FAM135A: variants seen among roughly 807,000 people sequenced by gnomAD.
FAM135A encodes family with sequence similarity 135 member A.
Under a neutral mutation model 146.8 loss-of-function variants are expected in FAM135A, and 79 were observed. The observed-to-expected ratio is 0.54, with a 90% confidence interval of 0.45 to 0.65. FAM135A has a LOEUF of 0.65. Ranked by LOEUF, FAM135A falls within the 30% of genes least tolerant of loss-of-function variation. The probability of loss-of-function intolerance (pLI) is 0.00; values close to 1 mark genes in which losing one functional copy is unlikely to be tolerated. For synonymous variants in FAM135A, 562 were observed against 603.6 expected, an observed-to-expected ratio of 0.93 and a Z score of 1.01; for missense variants, 1,623 against 1,758.2, an observed-to-expected ratio of 0.92 and a Z score of 1.38.
chr6:70,472,125 C>A (rs1280279830), intron 5 of FAM135A, among the ~76,000 whole-genome samples: 1 of 152,086 alleles, frequency 6.6e-6, no homozygotes, highest in East Asian at 1.9e-4. Context: ...CAGTAAGCAA[C>A]AAAGAAGCTC....
intron 20 of FAM135A, among the ~76,000 whole-genome samples, chr6:70,550,721 CAA>C (rs368310550): frequency 1.3e-5 from 2 of 152,284 alleles, no homozygotes; most frequent in African/African-American, 2.4e-5. Flanking sequence ...TAATCCGTAA[CAA>C]GAGAGTCAGC....
intron 11 of FAM135A, among the ~76,000 whole-genome samples, chr6:70,502,088 A>T (rs564156242): frequency 6.6e-6 from 1 of 152,238 alleles, no homozygotes; most frequent in African/African-American, 2.4e-5. Flanking sequence ...TGAAAAAAAT[A>T]AAGTGACAAT....
At chr6:70,414,047 T>G in intron 1 of FAM135A, 1 of 985,724 alleles carries the variant, frequency 1.0e-6, no homozygotes, top group Non-Finnish European at 1.2e-6. Context: ...TCTTCGTCGC[T>G]CTGTCCCTCC....
At position 70,513,632 on chromosome 6, in the gene FAM135A, T is replaced by C. The variant is rs375504315; in HGVS notation, c.1030-8881T>C. Among the ~76,000 whole-genome samples the C allele has an allele frequency of 2.8e-4, 42 of 152,082 alleles. 1 individual carries two copies. The East Asian group carries it at 4.8e-3, about 17-fold the overall frequency. On this transcript the variant is annotated intron_variant, in intron 12 of 21. Transcript: ENST00000418814. ...TATTATCTGATACTATTATAAATGGTTTTTAAATTTTATTTTCCAAATGGT... is the reference window on the plus strand; with the variant it reads ...TATTATCTGATACTATTATAAATGGCTTTTAAATTTTATTTTCCAAATGGT...
At chr6:70,472,561 G>A (rs1029232500) in intron 5 of FAM135A, among the ~76,000 whole-genome samples, 3 of 152,090 alleles carry the variant, frequency 2.0e-5, no homozygotes, top group South Asian at 2.1e-4. Context: ...ACACTGACAC[G>A]TTACTGTCGT....
At chr6:70,553,987 AAGAT>A (rs1800342263) in intron 20 of FAM135A, among the ~76,000 whole-genome samples, 1 of 152,194 alleles carries the variant, frequency 6.6e-6, no homozygotes, top group Admixed American at 6.5e-5. Context: ...GAATTTAAGA[AAGAT>A]AGCAAGCAAA....
At chr6:70,463,847 T>C (rs2128107471) in intron 5 of FAM135A, among the ~76,000 whole-genome samples, 1 of 152,232 alleles carries the variant, frequency 6.6e-6, no homozygotes, top group East Asian at 1.9e-4. Flanking sequence ...CAAGCCTCCA[T>C]TTTGCTTTCC....
intron 5 of FAM135A, among the ~76,000 whole-genome samples, chr6:70,474,969 C>A (rs1018456084): frequency 8.5e-5 from 13 of 152,124 alleles, no homozygotes; most frequent in Non-Finnish European, 1.8e-4. Flanking sequence ...CTAGGGGCCA[C>A]CAAGGATTTA....
intron 11 of FAM135A, among the ~76,000 whole-genome samples, chr6:70,496,330 C>T (rs1004879432): frequency 6.6e-6 from 1 of 152,122 alleles, no homozygotes; most frequent in Non-Finnish European, 1.5e-5. Context: ...TGTTCATATC[C>T]TTCGTCCACT....
intron 5 of FAM135A, among the ~76,000 whole-genome samples, chr6:70,455,681 C>T (rs1406128401): frequency 6.6e-6 from 1 of 151,906 alleles, no homozygotes; most frequent in Non-Finnish European, 1.5e-5. Context: ...CTGAAGTTGC[C>T]AGTTGAGAAA....
At chr6:70,479,140 T>C (rs1414525687) in intron 8 of FAM135A, among the ~76,000 whole-genome samples, 1 of 152,198 alleles carries the variant, frequency 6.6e-6, no homozygotes, top group African/African-American at 2.4e-5. Flanking sequence ...ACTAGCTGTG[T>C]TTCTTTCCTG....
chr6:70,414,908 A>G (rs1767215476), intron 1 of FAM135A, among the ~76,000 whole-genome samples: 1 of 152,234 alleles, frequency 6.6e-6, no homozygotes, highest in Admixed American at 6.5e-5. Context: ...CTTGTCCTCC[A>G]TTAGGTGTAG....
intron 12 of FAM135A, among the ~76,000 whole-genome samples, chr6:70,509,304 A>C (rs1331692096): frequency 6.6e-6 from 1 of 152,136 alleles, no homozygotes. Context: ...TTGAACTATA[A>C]AATGGAACTC....
At chr6:70,531,749 G>C (rs1038416476) in intron 16 of FAM135A, among the ~76,000 whole-genome samples, 1 of 152,058 alleles carries the variant, frequency 6.6e-6, no homozygotes, top group African/African-American at 2.4e-5. Flanking sequence ...TTCTTTGGGG[G>C]CATTTCCCAA....
chr6:70,482,192 A>G (rs1783844183), intron 10 of FAM135A, 38 bp downstream of exon 10: 1 of 1,603,854 alleles, frequency 6.2e-7, no homozygotes, highest in Non-Finnish European at 8.5e-7. Context: ...TACAGTTCAA[A>G]TCATTCTCTT....
chr6:70,452,374 G>C (rs924096451), intron 4 of FAM135A, 118 bp from the exon 5 acceptor site: 1 of 702,724 alleles, frequency 1.4e-6, no homozygotes, highest in Non-Finnish European at 2.4e-6. Context: ...AAATGTTATG[G>C]GAGACTGATA....
intron 21 of FAM135A, chr6:70,557,735 C>G (rs1462493245): frequency 6.7e-6 from 1 of 149,320 alleles, no homozygotes; most frequent in Admixed American, 6.7e-5. Flanking sequence ...TCTCCTACCT[C>G]TCAATATTGC....
intron 4 of FAM135A, among the ~76,000 whole-genome samples, chr6:70,433,460 A>G (rs909086639): frequency 4.6e-5 from 7 of 152,256 alleles, no homozygotes; most frequent in Admixed American, 3.3e-4. Context: ...GCAAACCAGG[A>G]CATAAGGCCA....
intron 20 of FAM135A, among the ~76,000 whole-genome samples, chr6:70,542,404 T>G (rs957390782): frequency 3.9e-5 from 6 of 152,208 alleles, no homozygotes; most frequent in African/African-American, 1.4e-4. Flanking sequence ...CCTCCTCATG[T>G]GTTTACCCAT....
Sources: gnomAD v4.1 joint callset for allele counts (sites outside exome capture counted in the v4.1 genomes callset) on GRCh38, gnomAD v4.1.1 for gene constraint, MANE v1.5 for transcripts, NCBI Gene and HGNC (gene_info 2026-07-23, HGNC 2026-07-21) for gene names.